Variants in KCNQ3 observed in about 807,000 individuals in gnomAD.
The protein encoded by KCNQ3 is potassium voltage-gated channel subfamily Q member 3, also known as potassium voltage-gated channel subfamily KQT member 3.
KCNQ3 carries 30 observed loss-of-function variants against 92.5 expected under a neutral mutation model. That is an observed-to-expected ratio of 0.32 (90% CI 0.24 to 0.44). The LOEUF is 0.44. Ranked by LOEUF, KCNQ3 falls within the 20% of genes least tolerant of loss-of-function variation. The pLI, the probability that KCNQ3 is intolerant of heterozygous loss-of-function variation, is 1.00. For synonymous variants in KCNQ3, 450 were observed against 468.8 expected (o/e 0.96, Z 0.52); for missense variants, 913 against 1,140.3 (o/e 0.80, Z 2.87).
At chr8:132,348,613 T>C (rs554405016) in intron 1 of KCNQ3, among the ~76,000 whole-genome samples, 11 of 152,250 alleles carry the variant, frequency 7.2e-5, no homozygotes, top group Non-Finnish European at 1.6e-4. Context: ...CAGCAGCATG[T>C]GGCTAGTGGC....
chr8:132,254,759 G>A (rs1289892564), intron 1 of KCNQ3, among the ~76,000 whole-genome samples: 1 of 152,152 alleles, frequency 6.6e-6, no homozygotes, highest in African/African-American at 2.4e-5. Flanking sequence ...TGTGCATTCA[G>A]TCTCAGCTAT....
intron 1 of KCNQ3, among the ~76,000 whole-genome samples, chr8:132,416,955 G>T (rs905311669): frequency 2.0e-5 from 3 of 152,158 alleles, no homozygotes; most frequent in Non-Finnish European, 2.9e-5. Flanking sequence ...TGTGCAAGGG[G>T]ACACGTCTGA....
chr8:132,474,934 G>A (rs540913513), intron 1 of KCNQ3, among the ~76,000 whole-genome samples: 1 of 152,156 alleles, frequency 6.6e-6, no homozygotes, highest in African/African-American at 2.4e-5. Flanking sequence ...ATCCCCACAT[G>A]TTTCCAGAGT....
At chr8:132,241,225 G>A (rs1156903826) in intron 1 of KCNQ3, among the ~76,000 whole-genome samples, 1 of 152,068 alleles carries the variant, frequency 6.6e-6, no homozygotes, top group Non-Finnish European at 1.5e-5. Flanking sequence ...CCATTTTACA[G>A]ATGAGAAAAT....
intron 1 of KCNQ3, among the ~76,000 whole-genome samples, chr8:132,263,178 C>T (rs551714347): frequency 1.6e-4 from 24 of 152,296 alleles, no homozygotes; most frequent in African/African-American, 4.1e-4. Context: ...ATGGTAACCT[C>T]GTGTCTGATT....
intron 1 of KCNQ3, among the ~76,000 whole-genome samples, chr8:132,312,231 G>A (rs776672507): frequency 1.3e-5 from 2 of 152,222 alleles, no homozygotes; most frequent in African/African-American, 2.4e-5. Context: ...TGTTATGGCA[G>A]ACTCAGAAGA....
chr8:132,370,554 G>A (rs569725852), intron 1 of KCNQ3, among the ~76,000 whole-genome samples: 2 of 152,160 alleles, frequency 1.3e-5, no homozygotes, highest in South Asian at 4.2e-4. Context: ...TTTCCTCAGG[G>A]CCTCAAGCAG....
chr8:132,360,574 T>G (rs913460927), intron 1 of KCNQ3, among the ~76,000 whole-genome samples: 1 of 152,162 alleles, frequency 6.6e-6, no homozygotes, highest in Non-Finnish European at 1.5e-5. Flanking sequence ...AGGCGCCACC[T>G]CCAGCCCAGC....
intron 1 of KCNQ3, among the ~76,000 whole-genome samples, chr8:132,217,563 T>C (rs1452664066): frequency 1.3e-5 from 2 of 151,866 alleles, no homozygotes; most frequent in Non-Finnish European, 2.9e-5. Context: ...ATAAAAAAAT[T>C]AGCCAGGCGT....
intron 1 of KCNQ3, among the ~76,000 whole-genome samples, chr8:132,405,354 C>A (rs578211418): frequency 6.4e-4 from 98 of 152,364 alleles, no homozygotes; most frequent in Admixed American, 3.6e-3. Flanking sequence ...CTGGATTTCC[C>A]AAGTCAAGGT....
In KCNQ3 at chr8:132,236,251, A is replaced by G. The variant is rs1030766678; in HGVS notation, c.387-50070T>C. Among the ~76,000 whole-genome samples, 4 of 152,192 alleles carry G rather than the reference A, an allele frequency of 2.6e-5. No homozygotes were observed. In the South Asian group the frequency reaches 8.3e-4, roughly 32 times the overall value. On this transcript the variant is annotated intron_variant, in intron 1 of 14. Transcript: ENST00000388996. ...ACCTTTTTCATTTGGAAAATATTTA[A>G]ATCTTCCAGGGAGTGAACATTTTAA...
chr8:132,277,938 C>A (rs1426183954), intron 1 of KCNQ3: 1 of 985,164 alleles, frequency 1.0e-6, no homozygotes, highest in East Asian at 1.1e-4. Context: ...CTTCTCACTG[C>A]TTTCCATTTG....
intron 1 of KCNQ3, among the ~76,000 whole-genome samples, chr8:132,357,255 G>C (rs1459698347): frequency 6.6e-6 from 1 of 152,244 alleles, no homozygotes; most frequent in Admixed American, 6.5e-5. Context: ...AGGGCTGGGA[G>C]TGGTTCCTTT....
intron 1 of KCNQ3, among the ~76,000 whole-genome samples, chr8:132,311,770 G>C (rs1275610637): frequency 6.6e-6 from 1 of 152,238 alleles, no homozygotes; most frequent in African/African-American, 2.4e-5. Context: ...TCCTATGAAA[G>C]AGAGGCCCTA....
At chr8:132,296,382 T>C (rs183045021) in intron 1 of KCNQ3, among the ~76,000 whole-genome samples, 3 of 152,112 alleles carry the variant, frequency 2.0e-5, no homozygotes, top group Admixed American at 6.5e-5. Context: ...CCAAAGCCTC[T>C]TTTTATTTTA....
chr8:132,349,836 T>C (rs1311395510), intron 1 of KCNQ3, among the ~76,000 whole-genome samples: 1 of 152,240 alleles, frequency 6.6e-6, no homozygotes, highest in Non-Finnish European at 1.5e-5. Flanking sequence ...AAAGGTTGTT[T>C]TGAGCCACTG....
At chr8:132,402,368 T>C (rs1319757330) in intron 1 of KCNQ3, among the ~76,000 whole-genome samples, 1 of 152,188 alleles carries the variant, frequency 6.6e-6, no homozygotes, top group African/African-American at 2.4e-5. Flanking sequence ...TAATTCATTC[T>C]CCCAGTTCTC....
intron 1 of KCNQ3, among the ~76,000 whole-genome samples, chr8:132,272,042 A>C (rs1341382285): frequency 1.3e-5 from 2 of 152,238 alleles, no homozygotes; most frequent in African/African-American, 4.8e-5. Context: ...CTGCCTAGAA[A>C]GTGGCTACAG....
intron 9 of KCNQ3, 75 bp from the exon 10 acceptor site, chr8:132,141,406 A>ACTC (rs936143550): frequency 7.9e-7 from 1 of 1,270,724 alleles, no homozygotes; most frequent in African/African-American, 1.5e-5. Flanking sequence ...CTCCATAAAG[A>ACTC]CTCACACATT....
Sources: gnomAD v4.1 joint callset for allele counts (sites outside exome capture counted in the v4.1 genomes callset) on GRCh38, gnomAD v4.1.1 for gene constraint, MANE v1.5 for transcripts, NCBI Gene and HGNC (gene_info 2026-07-23, HGNC 2026-07-21) for gene names.